Variants in SNTG1 observed in about 807,000 individuals in gnomAD.
SNTG1 encodes the protein syntrophin gamma 1, also known as gamma-1-syntrophin.
SNTG1 carries 39 observed loss-of-function variants against 74.7 expected under a neutral mutation model. The ratio of observed to expected loss-of-function variants is 0.52; its 90% confidence interval spans 0.40 to 0.68. The LOEUF (loss-of-function observed/expected upper bound fraction) is 0.68. Ranked by LOEUF, SNTG1 falls within the 30% of genes least tolerant of loss-of-function variation. The pLI, the probability that SNTG1 is intolerant of heterozygous loss-of-function variation, is 0.00. For synonymous variants in SNTG1, 254 were observed against 217.1 expected, an observed-to-expected ratio of 1.17 and a Z score of -1.49; for missense variants, 685 against 609.5, an observed-to-expected ratio of 1.12 and a Z score of -1.30.
chr8:50,009,025 T>TTGAC (rs35917307), intron 1 of SNTG1, among the ~76,000 whole-genome samples: 2 of 5,782 alleles, frequency 3.5e-4, no homozygotes, highest in African/African-American at 1.3e-3. Context: ...AGTCAGTGCT[T>TTGAC]TATTTATTTA....
rs556659908 is a variant in SNTG1, at chr8:50,794,671, G to A, written c.*1842G>A. 2 of 152,066 alleles carry A rather than the reference G, an allele frequency of 1.3e-5. No homozygotes were observed. The highest frequency in any genetic ancestry group is 2.4e-5 in the African/African-American group (1 of 41,540). The allele number at this position is 152,066 out of a possible 1,614,324, so 9.4% of individuals were successfully genotyped here. On this transcript the variant is annotated 3_prime_UTR_variant, in exon 19 of 19. Transcript: ENST00000642720. ...AAAGCAGTGGGATACATCGAACTTA[G>A]AATTTTCAGCTGTGGCAAGTGGTTC...
chr8:50,692,626 A>G (rs1385568825), intron 15 of SNTG1, among the ~76,000 whole-genome samples: 1 of 152,096 alleles, frequency 6.6e-6, no homozygotes, highest in Non-Finnish European at 1.5e-5. Flanking sequence ...GTCTCAGAGG[A>G]GTACCTGGCC....
Position 50,259,518 on chromosome 8 carries a change from AAGAAAG to A in SNTG1, c.-28+86885_-28+86890del, listed in dbSNP as rs1401583868. 5.7e-4 allele frequency among the ~76,000 whole-genome samples: 5 copies of A among 8,728 alleles called. 1 individual carries two copies. The highest frequency in any genetic ancestry group is 6.5e-4 in the African/African-American group (5 of 7,698). The allele number at this position is 8,728 out of a possible 152,430, so 5.7% of individuals were successfully genotyped here. A position where few individuals can be genotyped will look rare whatever the true frequency, so the allele number is the denominator to read the frequency against. On this transcript the variant is annotated intron_variant, in intron 2 of 18. Coordinates refer to ENST00000642720, the MANE Select transcript of SNTG1 (RefSeq NM_018967.5). ...TGTCTCAAAAAAAAAAAAAGAAAGA[AAGAAAG>A]AAAGAAAGAAAGAAAGAAAGAAAGA...
At chr8:50,211,560 A>G (rs2084522567) in intron 2 of SNTG1, among the ~76,000 whole-genome samples, 1 of 152,116 alleles carries the variant, frequency 6.6e-6, no homozygotes, top group Non-Finnish European at 1.5e-5. Flanking sequence ...TAGGATCAGT[A>G]TAAGAATTCT....
intron 14 of SNTG1, among the ~76,000 whole-genome samples, chr8:50,657,340 T>C (rs997066193): frequency 1.3e-5 from 2 of 152,094 alleles, no homozygotes; most frequent in African/African-American, 2.4e-5. Flanking sequence ...TTCAAGCATA[T>C]GTCAGTGTAT....
intron 2 of SNTG1, among the ~76,000 whole-genome samples, chr8:50,313,038 T>C (rs1400586912): frequency 6.7e-6 from 1 of 149,616 alleles, no homozygotes; most frequent in Non-Finnish European, 1.5e-5. Flanking sequence ...TGGTAATCTT[T>C]CACAAAAATA....
At chr8:50,298,904 T>C (rs1484097823) in intron 2 of SNTG1, among the ~76,000 whole-genome samples, 3 of 152,164 alleles carry the variant, frequency 2.0e-5, no homozygotes, top group Non-Finnish European at 2.9e-5. Flanking sequence ...TCCTTCAAAA[T>C]TGATCTTGTA....
intron 2 of SNTG1, among the ~76,000 whole-genome samples, chr8:50,256,094 G>T (rs1485291027): frequency 1.3e-5 from 2 of 152,082 alleles, no homozygotes; most frequent in African/African-American, 4.8e-5. Context: ...TACTTTGCCT[G>T]CTTGTATGTA....
chr8:50,727,907 G>A (rs1015879390), intron 17 of SNTG1, among the ~76,000 whole-genome samples: 4 of 152,112 alleles, frequency 2.6e-5, no homozygotes, highest in Admixed American at 6.6e-5. Context: ...ATTGTGTTAA[G>A]GGACAATTAT....
chr8:49,944,341 T>C (rs1207360012), intron 1 of SNTG1, among the ~76,000 whole-genome samples: 1 of 152,164 alleles, frequency 6.6e-6, no homozygotes, highest in East Asian at 1.9e-4. Flanking sequence ...TCCTTCATTC[T>C]ACAGATCAGT....
intron 17 of SNTG1, among the ~76,000 whole-genome samples, chr8:50,720,030 C>A (rs1388922738): frequency 1.3e-5 from 2 of 152,098 alleles, no homozygotes; most frequent in Non-Finnish European, 2.9e-5. Context: ...CTTGATTAGA[C>A]AATTTAGTTC....
At position 50,704,635 on chromosome 8, in the gene SNTG1, C is replaced by T. The variant is rs1303888746; in HGVS notation, c.1074C>T (p.Phe358=). The T allele has an allele frequency of 6.2e-7, 1 of 1,614,138 alleles. No individual in the cohort carries two copies. The highest frequency in any genetic ancestry group is 1.1e-5 in the South Asian group (1 of 91,078). ...TGCTGGACCGACGGAAACAGTGCTT[C>T]ACCGTGCAGTCTGAGTCTGGGGAGG... ...SDLLDRRKQC[F]TVQSESGEDL... Residue 358 remains phenylalanine (F), a synonymous_variant, in exon 16 of 19, where the codon TTC becomes TTT. Coordinates refer to ENST00000642720, the MANE Select transcript of SNTG1 (RefSeq NM_018967.5).
At chr8:49,950,311 A>T (rs891168470) in intron 1 of SNTG1, among the ~76,000 whole-genome samples, 2 of 152,210 alleles carry the variant, frequency 1.3e-5, no homozygotes, top group Admixed American at 6.5e-5. Context: ...ATGGCACATG[A>T]TAAATGCAAT....
intron 15 of SNTG1, among the ~76,000 whole-genome samples, chr8:50,671,707 G>T (rs770419313): frequency 6.6e-6 from 1 of 151,420 alleles, no homozygotes; most frequent in African/African-American, 2.4e-5. Flanking sequence ...TATACCCAAA[G>T]GACTATAAAT....
intron 2 of SNTG1, among the ~76,000 whole-genome samples, chr8:50,234,156 T>G (rs969690268): frequency 1.3e-5 from 2 of 151,954 alleles, no homozygotes; most frequent in Non-Finnish European, 2.9e-5. Flanking sequence ...AATCAAATGT[T>G]TCTAAATAGT....
In SNTG1 at chr8:50,381,558, ATGTG is replaced by A. The variant is rs372674229; in HGVS notation, c.-27-12622_-27-12619del. Among the ~76,000 whole-genome samples, 386 of 108,526 alleles carry A rather than the reference ATGTG, an allele frequency of 3.6e-3. 5 individuals carry two copies. The highest frequency in any genetic ancestry group is 6.4e-3 in the South Asian group (21 of 3,272). The allele number at this position is 108,526 out of a possible 152,430, so 71.2% of individuals were successfully genotyped here. On this transcript the variant is annotated intron_variant, in intron 2 of 18. Transcript: ENST00000642720. ...TCTAGAGGGACAGAACTAATAGGAT[ATGTG>A]TGTGTGTGTGTGTGTGTGTGTGTGT...
At chr8:50,457,175 G>A (rs762991768) in intron 8 of SNTG1, 4 of 152,108 alleles carry the variant, frequency 2.6e-5, no homozygotes, top group African/African-American at 7.2e-5. Flanking sequence ...TTAAGAGGTC[G>A]CAGTAGATTA....
chr8:50,165,388 T>G (rs1325903836), intron 1 of SNTG1, among the ~76,000 whole-genome samples: 1 of 152,230 alleles, frequency 6.6e-6, no homozygotes, highest in East Asian at 1.9e-4. Context: ...CAGGTAGTGA[T>G]TTATTCAAGC....
intron 2 of SNTG1, among the ~76,000 whole-genome samples, chr8:50,359,408 T>G (rs1022388091): frequency 6.6e-6 from 1 of 152,346 alleles, no homozygotes; most frequent in Non-Finnish European, 1.5e-5. Flanking sequence ...GGACTGCCCA[T>G]TGTAAACCGC....
Sources: gnomAD v4.1 joint callset for allele counts (sites outside exome capture counted in the v4.1 genomes callset) on GRCh38, gnomAD v4.1.1 for gene constraint, MANE v1.5 for transcripts, NCBI Gene and HGNC (gene_info 2026-07-23, HGNC 2026-07-21) for gene names.